Variants in SETD2 observed in about 807,000 individuals in gnomAD.
SETD2 encodes SET domain containing 2, histone lysine methyltransferase, also known as histone-lysine N-methyltransferase SETD2.
A neutral mutation model predicts 242.1 loss-of-function variants in SETD2; 31 were observed. That is an observed-to-expected ratio of 0.13 (90% CI 0.10 to 0.17). The LOEUF (loss-of-function observed/expected upper bound fraction) is 0.17. Ranked by LOEUF, SETD2 falls within the 10% of genes least tolerant of loss-of-function variation. The pLI, the probability that SETD2 is intolerant of heterozygous loss-of-function variation, is 1.00. For synonymous variants in SETD2, 1,006 were observed against 1,066.5 expected (o/e 0.94, Z 1.11); for missense variants, 2,481 against 3,046.3 (o/e 0.81, Z 4.37).
At chr3:47,160,310 T>C (rs1262264059) in intron 1 of SETD2, among the ~76,000 whole-genome samples, 1 of 150,954 alleles carries the variant, frequency 6.6e-6, no homozygotes, top group Non-Finnish European at 1.5e-5. Context: ...AATTTTATTA[T>C]TTTTTTTTCG....
chr3:47,105,923 A>T (rs2042398874), intron 6 of SETD2, 74 bp downstream of exon 6: 1 of 1,443,266 alleles, frequency 6.9e-7, no homozygotes, highest in Non-Finnish European at 9.4e-7. Context: ...AAAAAAAAAA[A>T]AATCAAATCA....
chr3:47,037,893 C>A (rs2039091317), intron 17 of SETD2, 116 bp from the exon 18 acceptor site: 1 of 736,700 alleles, frequency 1.4e-6, no homozygotes. Flanking sequence ...TAGAATAAGT[C>A]AGCTCCATGA....
Position 47,123,969 on chromosome 3 carries a change from T to C in SETD2, c.667A>G (p.Met223Val), listed in dbSNP as rs1461887229. The C allele has an allele frequency of 1.0e-5, 16 of 1,550,868 alleles. No homozygotes were observed. The highest frequency in any genetic ancestry group is 1.4e-5 in the African/African-American group (1 of 73,032). Residue 223 changes from methionine (M) to valine (V), a missense_variant, in exon 3 of 21, where the codon ATG becomes GTG. By Grantham distance (21) the Met-to-Val change is conservative. Transcript: ENST00000409792. Reference protein sequence around the residue: ...ALPHTPITVLMAAPVPLPVDV... With the variant: ...ALPHTPITVLVAAPVPLPVDV... The stretch of plus-strand genomic sequence containing the variant: ...ACTGGTAAGGGTACTGGTGCTGCCA[T>C]TAGAACTGTTATTGGTGTATGTGGC...
At chr3:47,137,858 A>AT (rs1211874438) in intron 1 of SETD2, among the ~76,000 whole-genome samples, 448 of 144,410 alleles carry the variant, frequency 3.1e-3, no homozygotes, top group Non-Finnish European at 4.5e-3. Flanking sequence ...AGCTAATTTT[A>AT]TTTTTTTTTT....
chr3:47,112,315 CTT>C (rs1182915683), intron 5 of SETD2, among the ~76,000 whole-genome samples: 4 of 151,816 alleles, frequency 2.6e-5, no homozygotes, highest in Non-Finnish European at 2.9e-5. Flanking sequence ...GAGTTTCACT[CTT>C]GTCACCCAGG....
intron 1 of SETD2, among the ~76,000 whole-genome samples, chr3:47,162,471 C>T (rs999704843): frequency 6.6e-6 from 1 of 152,164 alleles, no homozygotes; most frequent in African/African-American, 2.4e-5. Flanking sequence ...TGTTAACTTA[C>T]TATTGCAAGT....
intron 15 of SETD2, among the ~76,000 whole-genome samples, chr3:47,053,952 C>T (rs1268944891): frequency 6.6e-6 from 1 of 152,184 alleles, no homozygotes; most frequent in African/African-American, 2.4e-5. Flanking sequence ...AGGCATTCTG[C>T]TCATTTTATA....
intron 18 of SETD2, among the ~76,000 whole-genome samples, chr3:47,036,902 ATTT>A (rs2039022197): frequency 3.3e-5 from 5 of 149,268 alleles, no homozygotes; most frequent in Admixed American, 1.3e-4. Context: ...ACTCCGTCTC[ATTT>A]AAAAAAAAAA....
At chr3:47,052,629 C>A (rs539630849) in intron 15 of SETD2, among the ~76,000 whole-genome samples, 55 of 152,066 alleles carry the variant, frequency 3.6e-4, no homozygotes, top group African/African-American at 1.2e-3. Flanking sequence ...CCAGCCTGAC[C>A]AACATGGCGA....
At chr3:47,147,080 A>G (rs1040833394) in intron 1 of SETD2, among the ~76,000 whole-genome samples, 1 of 152,028 alleles carries the variant, frequency 6.6e-6, no homozygotes, top group Non-Finnish European at 1.5e-5. Flanking sequence ...GTGCAATCTC[A>G]GCTCACTGCA....
At chr3:47,096,793 AAGAG>A (rs1375197959) in intron 9 of SETD2, among the ~76,000 whole-genome samples, 1 of 152,040 alleles carries the variant, frequency 6.6e-6, no homozygotes, top group African/African-American at 2.4e-5. Flanking sequence ...CATTTTTTAA[AAGAG>A]AGAGAGAGAA....
Position 47,056,093 on chromosome 3 carries a change from T to TA in SETD2, c.6963+727_6963+728insT, listed in dbSNP as rs1330192887. On this transcript the variant is annotated intron_variant, in intron 15 of 20. Transcript: ENST00000409792. ...AAAAAAAAAAGAAAAGAAAACATGA[T>TA]TTTTATTTATTTATTTATTTATTTA... Among the ~76,000 whole-genome samples the TA allele has an allele frequency of 5.7e-3, 146 of 25,472 alleles. 1 individual carries two copies. The highest frequency in any genetic ancestry group is 0.014 in the Admixed American group (17 of 1,252). The allele number at this position is 25,472 out of a possible 152,430, so 16.7% of individuals were successfully genotyped here.
At chr3:47,044,330 G>C (rs1011825344) in intron 16 of SETD2, among the ~76,000 whole-genome samples, 1 of 61,142 alleles carries the variant, frequency 1.6e-5, no homozygotes. Flanking sequence ...GGGCAACAAA[G>C]CAAGACTTCA....
chr3:47,148,161 C>T (rs1314999511), intron 1 of SETD2, among the ~76,000 whole-genome samples: 4 of 151,690 alleles, frequency 2.6e-5, no homozygotes, highest in African/African-American at 4.8e-5. Flanking sequence ...TAAAGCGTCT[C>T]GTTCTGTCAC....
At chr3:47,041,426 T>C in intron 17 of SETD2, 1 of 428,498 alleles carries the variant, frequency 2.3e-6, no homozygotes, top group Non-Finnish European at 4.6e-6. Flanking sequence ...GGTGGGAGGA[T>C]CGCTTGAAGC....
intron 15 of SETD2, among the ~76,000 whole-genome samples, chr3:47,053,284 A>G (rs1315995100): frequency 2.0e-5 from 3 of 152,214 alleles, no homozygotes; most frequent in Admixed American, 2.0e-4. Flanking sequence ...CACCTCTAGA[A>G]TAATAAAAAA....
At chr3:47,119,297 T>C (rs1315234641) in intron 3 of SETD2, among the ~76,000 whole-genome samples, 1 of 152,206 alleles carries the variant, frequency 6.6e-6, no homozygotes, top group Non-Finnish European at 1.5e-5. Flanking sequence ...TTATTCTCAT[T>C]ATAATTTGTT....
chr3:47,129,964 G>A (rs1478659414), intron 1 of SETD2, among the ~76,000 whole-genome samples: 1 of 152,138 alleles, frequency 6.6e-6, no homozygotes, highest in Non-Finnish European at 1.5e-5. Context: ...AAGAGACAGG[G>A]TAAAAGACAA....
At chr3:47,146,735 A>G (rs2043864812) in intron 1 of SETD2, among the ~76,000 whole-genome samples, 1 of 152,030 alleles carries the variant, frequency 6.6e-6, no homozygotes, top group African/African-American at 2.4e-5. Context: ...CCAGGAGTTC[A>G]AAACCAGCCC....
Sources: gnomAD v4.1 joint callset for allele counts (sites outside exome capture counted in the v4.1 genomes callset) on GRCh38, gnomAD v4.1.1 for gene constraint, MANE v1.5 for transcripts, NCBI Gene and HGNC (gene_info 2026-07-23, HGNC 2026-07-21) for gene names.